Variants in PRSS50 observed in about 807,000 individuals in gnomAD.
PRSS50 encodes probable threonine protease PRSS50.
A neutral mutation model predicts 34.2 loss-of-function variants in PRSS50; 23 were observed. The ratio of observed to expected loss-of-function variants is 0.67; its 90% CI spans 0.48 to 0.95. The LOEUF (loss-of-function observed/expected upper bound fraction) is 0.95. Among genes scored for constraint, PRSS50 ranks in the 40% least tolerant of loss-of-function variants. The pLI is 0.00. For missense variants in PRSS50, 484 were observed against 513.4 expected (o/e 0.94, Z 0.55); for synonymous variants, 224 against 211.2 (o/e 1.06, Z -0.53).
chr3:46,715,677 G>C lies in PRSS50; in HGVS notation c.328C>G (p.Gln110Glu), dbSNP rs1700672646. The C allele has an allele frequency of 1.2e-6, 2 of 1,606,056 alleles. No homozygotes were observed. The highest frequency in any genetic ancestry group is 2.2e-5 in the South Asian group (2 of 89,948). The part of the protein sequence containing the change: ...PYRSCGFSYE[Q>E]DPTLRDPEAV... ...TCTGGGTCCCTGAGGGTGGGGTCCT[G>C]CTCGTAGGAAAAGCCACAGGCTGAG... Residue 110 changes from glutamine to glutamate, a missense_variant, in exon 3 of 6, where the codon CAG becomes GAG. Transcript: ENST00000315170. This position sits in a 1 kb window ranked among gnomAD's most constrained non-coding sequence, Gnocchi z 5.2.
chr3:46,712,872 A>C, intron 5 of PRSS50, 29 bp downstream of exon 5: 1 of 1,609,638 alleles, frequency 6.2e-7, no homozygotes, highest in Non-Finnish European at 8.5e-7. Context: ...GTGCCCCTGA[A>C]GGGGAGTGAG....
rs1464712044 is a variant in PRSS50, at chr3:46,715,558, C to T, written c.447G>A (p.Leu149=). ...ACCAGATCAGGCAGTGGGCCACAGT[C>T]AGCACCCACTGGGAGGCAATGATGG... ...AGTIIASQWV[L]TVAHCLIWRD... is the part of the protein sequence containing the mutation. The change falls in exon 3 of 6, where the codon CTG becomes CTA. Residue 149 remains leucine (L), a synonymous_variant. Coordinates refer to ENST00000315170, the MANE Select transcript of PRSS50 (RefSeq NM_013270.5). This position sits in a 1 kb window ranked among gnomAD's most constrained non-coding sequence, Gnocchi z 5.2. 1.2e-6 allele frequency: 2 copies of T among 1,613,616 alleles called. No homozygotes were observed. The highest frequency in any genetic ancestry group is 1.1e-5 in the South Asian group (1 of 91,068).
Position 46,712,232 on chromosome 3 carries a change from G to C in PRSS50, c.*14C>G. ...AGGCAAGGGGGGCCCACAAGTGAGG[G>C]AGGGCACACAGAGTCAGAGGGCAGC... On this transcript the variant is annotated 3_prime_UTR_variant, in exon 6 of 6. Transcript: ENST00000315170. 6.3e-7 allele frequency: 1 copy of C among 1,594,850 alleles called. No individual in the cohort carries two copies. The highest frequency in any genetic ancestry group is 8.6e-7 in the Non-Finnish European group (1 of 1,168,766).
rs1299413760 is a variant in PRSS50 at position 46,717,705 on chromosome 3, C to A, written c.106+14G>T. Reference sequence around the variant, plus strand: ...CGCGTCAGGCGGGTGGGGTAGGGATCGGGAGGGACTCACCTGCAGACCTCA... The same window carrying A: ...CGCGTCAGGCGGGTGGGGTAGGGATAGGGAGGGACTCACCTGCAGACCTCA... On this transcript the variant is annotated intron_variant, in intron 1 of 5. Coordinates refer to ENST00000315170, the MANE Select transcript of PRSS50 (RefSeq NM_013270.5). The surrounding 1 kb of genome is among the most constrained non-coding windows in gnomAD (Gnocchi z 4.5). 3.1e-6 allele frequency: 5 copies of A among 1,597,326 alleles called. No homozygotes were observed. The highest frequency in any genetic ancestry group is 4.3e-6 in the Non-Finnish European group (5 of 1,172,404).
Position 46,714,350 on chromosome 3 carries a change from C to A in PRSS50, c.622G>T (p.Gly208Cys), listed in dbSNP as rs1288828943. The change falls in exon 4 of 6, where the codon GGC becomes TGC. Residue 208 changes from glycine (G) to cysteine (C), a missense_variant. By Grantham distance (159) the Gly-to-Cys change is radical. Coordinates refer to ENST00000315170, the MANE Select transcript of PRSS50 (RefSeq NM_013270.5). ...WSWVGQANDI[G>C]LLKLKQELKY... ...AGTTCCTGCTTGAGCTTGAGGAGGC[C>A]GATGTCGTTGGCCTGGCCCACCCAG... is the stretch of plus-strand genomic sequence containing the variant. The A allele has an allele frequency of 5.6e-6, 9 of 1,614,022 alleles. No individual in the cohort carries two copies. The highest frequency in any genetic ancestry group is 7.6e-6 in the Non-Finnish European group (9 of 1,180,000).
chr3:46,717,576 G>A lies in PRSS50; in HGVS notation c.168C>T (p.Ser56=), dbSNP rs778205218. 7 of 1,613,630 alleles carry A rather than the reference G, an allele frequency of 4.3e-6. No individual in the cohort carries two copies. Among genetic ancestry groups the A allele is most frequent in the Non-Finnish European group, 5.9e-6 (7 of 1,179,930 alleles). Residue 56 remains serine, a synonymous_variant, in exon 2 of 6, where the codon AGC becomes AGT. Transcript: ENST00000315170. This position sits in a 1 kb window ranked among gnomAD's most constrained non-coding sequence, Gnocchi z 4.5. Reference sequence around the variant, plus strand: ...AGGTGGCCTTGGGGACACACTGGACGCTCTGGTCGGCGGGATCAGCAGTGG... The same window carrying A: ...AGGTGGCCTTGGGGACACACTGGACACTCTGGTCGGCGGGATCAGCAGTGG... ...ALSTADPADQ[S]VQCVPKATCP...
In PRSS50 at chr3:46,717,743, G is replaced by A. The variant is rs774864156; in HGVS notation, c.82C>T (p.Leu28=). The A allele has an allele frequency of 2.4e-5, 39 of 1,594,550 alleles. No homozygotes were observed. The South Asian group carries it at 4.2e-4, about 17-fold the overall frequency. ...APSRAGALLL[L]LLLLRSAGCW... The stretch of plus-strand genomic sequence containing the variant: ...CCTGCAGACCTCAGCAACAGAAGCA[G>A]CAGCAGCAGGGCACCGGCGCGGGAG... The change falls in exon 1 of 6, where the codon CTG becomes TTG. Residue 28 remains leucine, a synonymous_variant. Coordinates refer to ENST00000315170, the MANE Select transcript of PRSS50 (RefSeq NM_013270.5). This position sits in a 1 kb window ranked among gnomAD's most constrained non-coding sequence, Gnocchi z 4.5.
Position 46,714,256 on chromosome 3 carries a change from C to G in PRSS50, c.716G>C (p.Arg239Pro). 2.5e-6 allele frequency: 4 copies of G among 1,614,110 alleles called. No homozygotes were observed. Among genetic ancestry groups the G allele is most frequent in the Non-Finnish European group, 3.4e-6 (4 of 1,180,030 alleles). Residue 239 changes from arginine to proline, a missense_variant, in exon 4 of 6, where the codon CGC (arginine) becomes CCC (proline). Physicochemically the swap from Arg to Pro is moderately radical, Grantham distance 103. Transcript: ENST00000315170. ...AAGTCCCCAGCCCGTCACAGTGCAG[C>G]GGGAATGGTCCTTCAACACATAGTC... ...GTDYVLKDHSRCTVTGWGLSK... is the reference protein window; with the variant it reads ...GTDYVLKDHSPCTVTGWGLSK...
At position 46,715,641 on chromosome 3, in the gene PRSS50, G is replaced by A. The variant is rs774598744; in HGVS notation, c.364C>T (p.Arg122Trp). 25 of 1,612,024 alleles carry A rather than the reference G, an allele frequency of 1.6e-5. No homozygotes were observed. Among genetic ancestry groups the A allele is most frequent in the Non-Finnish European group, 8.5e-6 (10 of 1,179,236 alleles). Residue 122 changes from arginine to tryptophan, a missense_variant, in exon 3 of 6, where the codon CGG becomes TGG. Physicochemically the swap from Arg to Trp is moderately radical, Grantham distance 101. Transcript: ENST00000315170. This position sits in a 1 kb window ranked among gnomAD's most constrained non-coding sequence, Gnocchi z 5.2. Reference sequence around the variant, plus strand: ...ACGCTGACCATCCAGGGCCACCGCCGAGCCACGGCTTCTGGGTCCCTGAGG... The same window carrying A: ...ACGCTGACCATCCAGGGCCACCGCCAAGCCACGGCTTCTGGGTCCCTGAGG... ...PTLRDPEAVARRWPWMVSVRA... is the reference protein window; with the variant it reads ...PTLRDPEAVAWRWPWMVSVRA...
At position 46,712,288 on chromosome 3, in the gene PRSS50, G is replaced by C. The variant is rs1186997324; in HGVS notation, c.1116C>G (p.Leu372=). The C allele has an allele frequency of 6.2e-7, 1 of 1,612,680 alleles. No homozygotes were observed. The highest frequency in any genetic ancestry group is 1.7e-5 in the Admixed American group (1 of 59,826). ...LALPAPSRTL[L]LALPLPLSLL... ...GGCTGAGGGGCAGTGGGAGTGCCAG[G>C]AGCAGGGTCCTGGATGGGGCTGGCA... The change falls in exon 6 of 6, where the codon CTC becomes CTG. Residue 372 remains leucine, a synonymous_variant. Transcript: ENST00000315170.
Position 46,712,480 on chromosome 3 carries a change from C to T in PRSS50, c.924G>A (p.Glu308=), listed in dbSNP as rs35759696. ...AGCAGACCAAGGGCTCTCCAGTTAG[C>T]TCCTGTGGGAAGGGTTGGGGGAGTA... ...EDTHREKFCY[E]LTGEPLVCSM... is the part of the protein sequence containing the mutation. Residue 308 remains glutamate, a splice_region_variant and synonymous_variant, in exon 6 of 6, where the codon GAG becomes GAA. Coordinates refer to ENST00000315170, the MANE Select transcript of PRSS50 (RefSeq NM_013270.5). The T allele has an allele frequency of 0.059, 94,716 of 1,613,768 alleles. 3,602 individuals carry two copies. Among genetic ancestry groups the T allele is most frequent in the South Asian group, 0.13 (11,902 of 91,060 alleles).
intron 4 of PRSS50, 63 bp from the exon 5 acceptor site, chr3:46,713,130 T>C: frequency 1.3e-6 from 2 of 1,574,802 alleles, no homozygotes; most frequent in Non-Finnish European, 1.7e-6. Context: ...CCAGCCTCAC[T>C]CGTCCTCTCT....
At position 46,717,470 on chromosome 3, in the gene PRSS50, G is replaced by C; in HGVS notation, c.274C>G (p.Pro92Ala). The change falls in exon 2 of 6, where the codon CCA (proline) becomes GCA (alanine). Residue 92 changes from proline (P) to alanine (A), a missense_variant. Coordinates refer to ENST00000315170, the MANE Select transcript of PRSS50 (RefSeq NM_013270.5). This position sits in a 1 kb window ranked among gnomAD's most constrained non-coding sequence, Gnocchi z 4.5. ...LPSTTMETQF[P>A]VSEGKVDPYR... ...GGGTCGACTTTGCCTTCAGAAACTG[G>C]GAATTGGGTCTCCATGGTGGTCGAG... 2 of 1,614,030 alleles carry C rather than the reference G, an allele frequency of 1.2e-6. No individual in the cohort carries two copies. The highest frequency in any genetic ancestry group is 2.7e-5 in the African/African-American group (2 of 75,018).
Position 46,715,568 on chromosome 3 carries a change from T to C in PRSS50, c.437A>G (p.Gln146Arg). ...GCAGTGGGCCACAGTCAGCACCCAC[T>C]GGGAGGCAATGATGGTGCCGGCACA... ...HICAGTIIAS[Q>R]WVLTVAHCLI... Residue 146 changes from glutamine to arginine, a missense_variant, in exon 3 of 6, where the codon CAG becomes CGG. Gln to Arg is a conservative substitution (Grantham distance 43, BLOSUM62 1). Transcript: ENST00000315170. The surrounding 1 kb of genome is among the most constrained non-coding windows in gnomAD (Gnocchi z 5.2). The C allele has an allele frequency of 6.2e-7, 1 of 1,613,686 alleles. No individual in the cohort carries two copies.
rs182347450 is a variant in PRSS50, at chr3:46,716,641, G to C, written c.307+796C>G. ...GCAAAAACGCAACATCTGTGACACC[G>C]AGTGTCAGTGAGGATTATCACCCAG... On this transcript the variant is annotated intron_variant, in intron 2 of 5. Transcript: ENST00000315170. This position sits in a 1 kb window ranked among gnomAD's most constrained non-coding sequence, Gnocchi z 4.4. Among the ~76,000 whole-genome samples, 1 of 152,152 alleles carries C rather than the reference G, an allele frequency of 6.6e-6. No individual in the cohort carries two copies. Among genetic ancestry groups the C allele is most frequent in the Middle Eastern group, 3.2e-3 (1 of 316 alleles).
chr3:46,715,644 C>G lies in PRSS50; in HGVS notation c.361G>C (p.Ala121Pro). ...DPTLRDPEAV[A>P]RRWPWMVSVR... ...CTGACCATCCAGGGCCACCGCCGAG[C>G]CACGGCTTCTGGGTCCCTGAGGGTG... Residue 121 changes from alanine (A) to proline (P), a missense_variant, in exon 3 of 6, where the codon GCT (alanine) becomes CCT (proline). By Grantham distance (27) the Ala-to-Pro change is conservative. Coordinates refer to ENST00000315170, the MANE Select transcript of PRSS50 (RefSeq NM_013270.5). The surrounding 1 kb of genome is among the most constrained non-coding windows in gnomAD (Gnocchi z 5.2). 6.2e-7 allele frequency: 1 copy of G among 1,612,286 alleles called. No individual in the cohort carries two copies. The highest frequency in any genetic ancestry group is 8.5e-7 in the Non-Finnish European group (1 of 1,179,260).
At chr3:46,713,457 G>A (rs116546604) in intron 4 of PRSS50, among the ~76,000 whole-genome samples, 191 of 152,342 alleles carry the variant, frequency 1.3e-3, no homozygotes, top group African/African-American at 4.5e-3. Flanking sequence ...ATGGAGGCCA[G>A]GCACTGCTTC....
chr3:46,715,841 G>T lies in PRSS50; in HGVS notation c.308-144C>A. ...TCACCTGTCACCATGGAATGATGCT[G>T]TCCACATGTGGACTGGAGTCTCATG... is the stretch of plus-strand genomic sequence containing the variant. On this transcript the variant is annotated intron_variant, in intron 2 of 5. Transcript: ENST00000315170. This position sits in a 1 kb window ranked among gnomAD's most constrained non-coding sequence, Gnocchi z 5.2. 1 of 879,046 alleles carries T rather than the reference G, an allele frequency of 1.1e-6. No individual in the cohort carries two copies. The highest frequency in any genetic ancestry group is 1.7e-6 in the Non-Finnish European group (1 of 581,484). 54.5% of individuals were successfully genotyped at this position (879,046 alleles called of 1,614,324 possible).
Position 46,712,187 on chromosome 3 carries a change from C to T in PRSS50, c.*59G>A. 1 of 1,422,582 alleles carries T rather than the reference C, an allele frequency of 7.0e-7. No homozygotes were observed. The highest frequency in any genetic ancestry group is 1.3e-5 in the South Asian group (1 of 79,164). The allele number at this position is 1,422,582 out of a possible 1,614,324, so 88.1% of individuals were successfully genotyped here. A position where few individuals can be genotyped will look rare whatever the true frequency, so the allele number is the denominator to read the frequency against. On this transcript the variant is annotated 3_prime_UTR_variant, in exon 6 of 6. Coordinates refer to ENST00000315170, the MANE Select transcript of PRSS50 (RefSeq NM_013270.5). ...ACTCTCAGGGCTGTGACAGCTGCACCCACAGCAACCTGGGCACGGAGGCAA... is the reference window on the plus strand; with the variant it reads ...ACTCTCAGGGCTGTGACAGCTGCACTCACAGCAACCTGGGCACGGAGGCAA...
Sources: allele counts gnomAD v4.1 joint callset (sites outside exome capture counted in the v4.1 genomes callset), GRCh38; gene constraint gnomAD v4.1.1; non-coding constraint Gnocchi (gnomAD v3.1); transcripts MANE v1.5; gene names NCBI Gene and HGNC (gene_info 2026-07-23, HGNC 2026-07-21).